Variants in SGSM3 observed in about 807,000 individuals in gnomAD.
SGSM3 encodes RUN and SH3 containing 3.
SGSM3 carries 96 observed loss-of-function variants against 100.5 expected under a neutral mutation model. The ratio of observed to expected loss-of-function variants is 0.96; its 90% CI spans 0.81 to 1.13. The LOEUF is 1.13. SGSM3 is among the 50% of genes most tolerant of loss of function. The pLI is 0.00. For missense variants in SGSM3, 1,001 were observed against 1,015.8 expected (o/e 0.99, Z 0.20); for synonymous variants, 483 against 422.8 (o/e 1.14, Z -1.75).
intron 3 of SGSM3, 88 bp from the exon 4 acceptor site, chr22:40,402,051 A>G (rs1180526229): frequency 9.8e-7 from 1 of 1,015,234 alleles, no homozygotes; most frequent in African/African-American, 1.6e-5. Context: ...GTGGGATTTT[A>G]GCAGGCAACC....
chr22:40,410,260 CATGGACTGAATAAG>C lies in SGSM3; in HGVS notation c.*509_*522del, dbSNP rs1225707195. ...ACCCAGCTGTGCTACCCACCCCTTC[CATGGACTGAATAAG>C]ATGGACTAACAGGCCTGTGTTTTTG... On this transcript the variant is annotated 3_prime_UTR_variant, in exon 22 of 22. Coordinates refer to ENST00000248929, the MANE Select transcript of SGSM3 (RefSeq NM_015705.6). 4.8e-6 allele frequency: 4 copies of C among 825,268 alleles called. No homozygotes were observed. Among genetic ancestry groups the C allele is most frequent in the Non-Finnish European group, 6.0e-6 (4 of 663,114 alleles). The allele number at this position is 825,268 out of a possible 1,614,324, so 51.1% of individuals were successfully genotyped here. A position where few individuals can be genotyped will look rare whatever the true frequency, so the allele number is the denominator to read the frequency against.
In SGSM3 at chr22:40,408,400, G is replaced by A. The variant is rs371726297; in HGVS notation, c.1753G>A (p.Ala585Thr). ...GLKKPSLLGGACHPWLFIEEA... is the reference protein window; with the variant it reads ...GLKKPSLLGGTCHPWLFIEEA... ...GAAGAAGCCATCCCTGCTTGGGGGC[G>A]CCTGCCACCCCTGGCTGTTTATCGA... Residue 585 changes from alanine to threonine, a missense_variant, in exon 16 of 22, where the codon GCC (alanine) becomes ACC (threonine). By Grantham distance (58) the Ala-to-Thr change is moderately conservative. Coordinates refer to ENST00000248929, the MANE Select transcript of SGSM3 (RefSeq NM_015705.6). 7.7e-5 allele frequency: 124 copies of A among 1,613,476 alleles called. No individual in the cohort carries two copies. The highest frequency in any genetic ancestry group is 9.9e-5 in the South Asian group (9 of 91,084).
intron 1 of SGSM3, among the ~76,000 whole-genome samples, chr22:40,384,069 T>C (rs2048029132): frequency 2.0e-5 from 3 of 152,054 alleles, no homozygotes. Context: ...GGCAAGATAG[T>C]AGGACCTTGT....
chr22:40,409,404 G>T (rs748512428), intron 20 of SGSM3, 32 bp downstream of exon 20: 1 of 1,578,158 alleles, frequency 6.3e-7, no homozygotes, highest in African/African-American at 1.4e-5. Flanking sequence ...GGGGATGGAG[G>T]TGGGGTGGGA....
chr22:40,406,807 G>C, intron 10 of SGSM3, 145 bp downstream of exon 10: 1 of 883,138 alleles, frequency 1.1e-6, no homozygotes, highest in Non-Finnish European at 1.8e-6. Context: ...CCACAGCTGT[G>C]GGGTGATCCA....
At chr22:40,391,008 TCAA>T (rs2049286518) in intron 1 of SGSM3, among the ~76,000 whole-genome samples, 1 of 152,042 alleles carries the variant, frequency 6.6e-6, no homozygotes, top group Non-Finnish European at 1.5e-5. Context: ...TCACATGAAA[TCAA>T]CAGCAGCATG....
intron 3 of SGSM3, 28 bp downstream of exon 3, chr22:40,401,703 G>A (rs896867226): frequency 6.3e-7 from 1 of 1,590,486 alleles, no homozygotes; most frequent in Non-Finnish European, 8.6e-7. Flanking sequence ...GCACCAGCCT[G>A]CTGTGCTCCC....
At chr22:40,402,428 G>A (rs544118014) in intron 4 of SGSM3, among the ~76,000 whole-genome samples, 2 of 152,246 alleles carry the variant, frequency 1.3e-5, no homozygotes, top group South Asian at 2.1e-4. Flanking sequence ...AAAAGCAATC[G>A]TGTTCACTGT....
intron 1 of SGSM3, among the ~76,000 whole-genome samples, chr22:40,381,516 A>G (rs2047583774): frequency 6.6e-6 from 1 of 152,198 alleles, no homozygotes; most frequent in Admixed American, 6.5e-5. Flanking sequence ...GTATTATATT[A>G]TTACTCCAAA....
chr22:40,408,239 G>A (rs577452252), intron 15 of SGSM3, 38 bp from the exon 16 acceptor site: 50 of 1,609,826 alleles, frequency 3.1e-5, no homozygotes, highest in Middle Eastern at 1.7e-4. Context: ...GGCTGCAGGC[G>A]TCAGGCAGGG....
Position 40,409,716 on chromosome 22 carries a change from T to TGCTGGTGAAGCACCACCTCTTCAG in SGSM3, c.2208_2231dup (p.Phe743_Ser744insArgLeuValLysHisHisLeuPhe), listed in dbSNP as rs746850785. 7.4e-6 allele frequency: 12 copies of TGCTGGTGAAGCACCACCTCTTCAG among 1,612,380 alleles called. No homozygotes were observed. Among genetic ancestry groups the TGCTGGTGAAGCACCACCTCTTCAG allele is most frequent in the African/African-American group, 1.3e-5 (1 of 74,920 alleles). Reference sequence around the variant, plus strand: ...CCCCTGAAGGAGGGCGTCCGGGACATGCTGGTGAAGCACCACCTCTTCAGC... The same window carrying TGCTGGTGAAGCACCACCTCTTCAG: ...CCCCTGAAGGAGGGCGTCCGGGACATGCTGGTGAAGCACCACCTCTTCAGGCTGGTGAAGCACCACCTCTTCAGC... On this transcript the variant is annotated inframe_insertion, in exon 22 of 22. Coordinates refer to ENST00000248929, the MANE Select transcript of SGSM3 (RefSeq NM_015705.6).
chr22:40,390,394 CT>C (rs1445654780), intron 1 of SGSM3: 1 of 152,164 alleles, frequency 6.6e-6, no homozygotes, highest in Non-Finnish European at 1.5e-5. Flanking sequence ...TACTTAGCCC[CT>C]GTCAGTGACA....
At chr22:40,390,980 T>C (rs2049280848) in intron 1 of SGSM3, among the ~76,000 whole-genome samples, 1 of 152,172 alleles carries the variant, frequency 6.6e-6, no homozygotes, top group African/African-American at 2.4e-5. Flanking sequence ...CAGATACACA[T>C]GTACATAAAT....
At position 40,405,184 on chromosome 22, in the gene SGSM3, T is replaced by G. The variant is rs1430525771; in HGVS notation, c.518T>G (p.Phe173Cys). 1.9e-6 allele frequency: 3 copies of G among 1,583,218 alleles called. No homozygotes were observed. Among genetic ancestry groups the G allele is most frequent in the Non-Finnish European group, 2.6e-6 (3 of 1,163,226 alleles). ...LLRTMPSNAC[F>C]ASMGSIGVPR... ...CGCACCATGCCCAGCAACGCCTGCT[T>G]CGCCAGCATGGGTAGCATCGGGGTG... The change falls in exon 7 of 22, where the codon TTC becomes TGC. Residue 173 changes from phenylalanine to cysteine, a missense_variant. Phe to Cys is a radical substitution (Grantham distance 205). Coordinates refer to ENST00000248929, the MANE Select transcript of SGSM3 (RefSeq NM_015705.6).
intron 3 of SGSM3, 58 bp from the exon 4 acceptor site, chr22:40,402,081 G>T (rs1824320114): frequency 1.5e-6 from 2 of 1,347,364 alleles, no homozygotes; most frequent in South Asian, 2.3e-5. Flanking sequence ...GCATCTTTCA[G>T]ACCTGAGGCC....
At chr22:40,379,704 T>G (rs1601755912) in intron 1 of SGSM3, among the ~76,000 whole-genome samples, 1 of 152,244 alleles carries the variant, frequency 6.6e-6, no homozygotes. Context: ...TTGGTAGTAT[T>G]TGTGGTCTCT....
chr22:40,400,835 G>A, intron 2 of SGSM3, 22 bp downstream of exon 2: 1 of 1,528,518 alleles, frequency 6.5e-7, no homozygotes, highest in Non-Finnish European at 8.8e-7. Flanking sequence ...GGCTGGACTT[G>A]GAAACGGGGT....
intron 1 of SGSM3, among the ~76,000 whole-genome samples, chr22:40,389,595 T>A (rs1261455275): frequency 3.5e-5 from 2 of 57,232 alleles, no homozygotes; most frequent in Admixed American, 5.4e-4. Context: ...CAAGACTCCG[T>A]CTCAGAAAAA....
At position 40,405,288 on chromosome 22, in the gene SGSM3, A is replaced by AG; in HGVS notation, c.618+5dup. On this transcript the variant is annotated splice_donor_region_variant and intron_variant, in intron 7 of 21. Transcript: ENST00000248929. ...CTACTGCCAGGGCACCGGCATGGTG[A>AG]GCACAGCCCCAGAAAGGGCAGTGGC... The AG allele has an allele frequency of 6.7e-7, 1 of 1,496,840 alleles. No homozygotes were observed. The highest frequency in any genetic ancestry group is 1.4e-5 in the African/African-American group (1 of 70,924). The allele number at this position is 1,496,840 out of a possible 1,614,324, so 92.7% of individuals were successfully genotyped here.
Sources: gnomAD v4.1 joint callset for allele counts (sites outside exome capture counted in the v4.1 genomes callset) on GRCh38, gnomAD v4.1.1 for gene constraint, MANE v1.5 for transcripts, NCBI Gene and HGNC (gene_info 2026-07-23, HGNC 2026-07-21) for gene names.